The following STARD13 variants were observed in gnomAD, a reference collection of about 807,000 sequenced individuals.
STARD13 encodes stAR-related lipid transfer protein 13.
In STARD13, 62 loss-of-function variants were observed where a neutral mutation model predicts 106.4. The ratio of observed to expected loss-of-function variants is 0.58; its 90% CI spans 0.48 to 0.72. The LOEUF is 0.72. STARD13 is among the 30% of genes least tolerant of loss of function. The pLI is 0.00. For synonymous variants in STARD13, 565 were observed against 553.0 expected, an observed-to-expected ratio of 1.02 and a Z score of -0.31; for missense variants, 1,387 against 1,424.0, an observed-to-expected ratio of 0.97 and a Z score of 0.42.
the STARD13 span, among the ~76,000 whole-genome samples, chr13:33,566,771 C>G: frequency 6.8e-6 from 1 of 147,968 alleles, no homozygotes; most frequent in East Asian, 2.0e-4. Context: ...GGGATCACTG[C>G]TCTCAGGTGC....
At chr13:33,578,068 A>G in the STARD13 span, among the ~76,000 whole-genome samples, 7 of 152,238 alleles carry the variant, frequency 4.6e-5, no homozygotes, top group South Asian at 1.4e-3. Flanking sequence ...ATAAAAAATG[A>G]CCATACTTCC....
At chr13:33,261,126 T>C (rs1157215971) in intron 1 of STARD13, among the ~76,000 whole-genome samples, 1 of 152,256 alleles carries the variant, frequency 6.6e-6, no homozygotes, top group Non-Finnish European at 1.5e-5. Context: ...TGTATCTATC[T>C]AGGGATCCTT....
At chr13:33,593,103 A>G in the STARD13 span, among the ~76,000 whole-genome samples, 1 of 152,226 alleles carries the variant, frequency 6.6e-6, no homozygotes, top group Non-Finnish European at 1.5e-5. Context: ...TCTATGAGCC[A>G]AGGCTGACAA....
At chr13:33,327,034 C>T (rs1403762791) in intron 1 of STARD13, among the ~76,000 whole-genome samples, 1 of 152,198 alleles carries the variant, frequency 6.6e-6, no homozygotes, top group Non-Finnish European at 1.5e-5. Flanking sequence ...ATTTCAATCA[C>T]AAGTGTGCCT....
In STARD13 at chr13:33,110,062, C is replaced by T; in HGVS notation, c.2858G>A (p.Trp953Ter). 6.2e-7 allele frequency: 1 copy of T among 1,614,210 alleles called. No homozygotes were observed. Among genetic ancestry groups the T allele is most frequent in the Non-Finnish European group, 8.5e-7 (1 of 1,180,040 alleles). ...KVGDGNPLKL[W>*]KASVEVEAPP... ...TGCTTCCACCTCCACAGAAGCCTTC[C>T]ACAGCTTCAGCGGGTTCCCGTCGCC... Residue 953 changes from tryptophan (W) to a stop codon, truncating the protein, a stop_gained, in exon 12 of 14, where the codon TGG becomes TAG. Coordinates refer to ENST00000336934, the MANE Select transcript of STARD13 (RefSeq NM_178006.4). LOFTEE classifies it high-confidence loss of function.
intron 1 of STARD13, among the ~76,000 whole-genome samples, chr13:33,279,071 A>G (rs776026375): frequency 6.6e-6 from 1 of 152,144 alleles, no homozygotes; most frequent in Non-Finnish European, 1.5e-5. Flanking sequence ...AGGTTCTCCT[A>G]TCTTCTTAAG....
the STARD13 span, among the ~76,000 whole-genome samples, chr13:33,491,692 A>G: frequency 5.9e-5 from 9 of 152,342 alleles, no homozygotes; most frequent in South Asian, 1.9e-3. Flanking sequence ...AAATAATAAA[A>G]TGGAAATCTA....
At chr13:33,335,113 C>T (rs2077880718) in intron 1 of STARD13, 1 of 152,340 alleles carries the variant, frequency 6.6e-6, no homozygotes, top group African/African-American at 2.4e-5. Context: ...GCCATGGAGC[C>T]CTGGGAAGCC....
At chr13:33,396,094 C>T in the STARD13 span, among the ~76,000 whole-genome samples, 3 of 152,192 alleles carry the variant, frequency 2.0e-5, no homozygotes, top group Admixed American at 6.5e-5. Flanking sequence ...TTCAAGTGAT[C>T]TTCCAGCTTC....
chr13:33,340,474 A>G (rs1255175001), intron 1 of STARD13, among the ~76,000 whole-genome samples: 1 of 152,224 alleles, frequency 6.6e-6, no homozygotes, highest in Non-Finnish European at 1.5e-5. Context: ...CATTTTATCC[A>G]GATGCAGAGA....
chr13:33,213,482 A>G (rs1253701890), intron 1 of STARD13, among the ~76,000 whole-genome samples: 1 of 152,220 alleles, frequency 6.6e-6, no homozygotes, highest in Admixed American at 6.5e-5. Context: ...CATCTTTCCT[A>G]CAAGTCTGAT....
At chr13:33,554,153 A>G in the STARD13 span, among the ~76,000 whole-genome samples, 4 of 152,318 alleles carry the variant, frequency 2.6e-5, no homozygotes, top group South Asian at 8.3e-4. Flanking sequence ...TTAAAATAGT[A>G]TAATACTTAT....
chr13:33,412,865 G>C, the STARD13 span, among the ~76,000 whole-genome samples: 1 of 152,086 alleles, frequency 6.6e-6, no homozygotes, highest in Non-Finnish European at 1.5e-5. Context: ...ATTATAACTG[G>C]AGTTAAACAC....
At chr13:33,389,755 GC>G in the STARD13 span, among the ~76,000 whole-genome samples, 2 of 151,890 alleles carry the variant, frequency 1.3e-5, no homozygotes, top group Non-Finnish European at 2.9e-5. Context: ...TATGCCAATT[GC>G]AATTAAAATG....
chr13:33,503,731 C>T, the STARD13 span, among the ~76,000 whole-genome samples: 1 of 152,026 alleles, frequency 6.6e-6, no homozygotes, highest in Non-Finnish European at 1.5e-5. Context: ...ATTTGATTGC[C>T]CTGTGGTCTG....
chr13:33,388,059 G>A, the STARD13 span, among the ~76,000 whole-genome samples: 2 of 152,196 alleles, frequency 1.3e-5, no homozygotes, highest in Non-Finnish European at 2.9e-5. Flanking sequence ...AGGGTATGAG[G>A]GGAGCTAGAG....
At chr13:33,656,672 T>C in the STARD13 span, 4 of 152,346 alleles carry the variant, frequency 2.6e-5, no homozygotes, top group African/African-American at 9.6e-5. Context: ...AATCTTGTTA[T>C]GGATATGTAG....
At chr13:33,362,046 T>C in the STARD13 span, among the ~76,000 whole-genome samples, 2 of 152,232 alleles carry the variant, frequency 1.3e-5, no homozygotes, top group South Asian at 4.1e-4. Flanking sequence ...AAATGTCTGA[T>C]ATTACTTAGT....
chr13:33,109,848 T>C (rs1415220395), intron 12 of STARD13, 25 bp downstream of exon 12: 1 of 1,611,544 alleles, frequency 6.2e-7, no homozygotes. Context: ...GAACAGAACA[T>C]CATAAACCCT....
Sources: gnomAD v4.1 joint callset for allele counts (sites outside exome capture counted in the v4.1 genomes callset) on GRCh38, gnomAD v4.1.1 for gene constraint, MANE v1.5 for transcripts, NCBI Gene and HGNC (gene_info 2026-07-23, HGNC 2026-07-21) for gene names.